The following UBE4B variants were observed in gnomAD, a reference collection of about 807,000 sequenced individuals.
The protein encoded by UBE4B is ubiquitination factor E4B, also known as ubiquitin conjugation factor E4 B.
UBE4B carries 27 observed loss-of-function variants against 148.1 expected under a neutral mutation model. That is an observed-to-expected ratio of 0.18 (90% CI 0.13 to 0.25). UBE4B has a LOEUF of 0.25. Ranked by LOEUF, UBE4B falls within the 10% of genes least tolerant of loss-of-function variation. UBE4B has a pLI of 1.00. For synonymous variants in UBE4B, 596 were observed against 619.3 expected, an observed-to-expected ratio of 0.96 and a Z score of 0.56; for missense variants, 1,170 against 1,662.4, an observed-to-expected ratio of 0.70 and a Z score of 5.15.
chr1:10,106,450 G>A lies in UBE4B; in HGVS notation c.1063G>A (p.Ala355Thr). ...TCTGTCGAGCTCCCCAAGTCCCCCT[G>A]CCCTCGCCAGTAGCCCCCAAGCAGT... ...SILSSSPSPP[A>T]LASSPQAVPA... The change falls in exon 7 of 28, where the codon GCC becomes ACC. Residue 355 changes from alanine (A) to threonine (T), a missense_variant. By Grantham distance (58) the Ala-to-Thr change is moderately conservative. This residue lies in a region of UBE4B where 214 missense variants were observed against 209.1 expected (regional missense o/e 1.02). Coordinates refer to ENST00000343090, the MANE Select transcript of UBE4B (RefSeq NM_001105562.3). This position sits in a 1 kb window ranked among gnomAD's most constrained non-coding sequence, Gnocchi z 4.2. 2 of 1,613,876 alleles carry A rather than the reference G, an allele frequency of 1.2e-6. No homozygotes were observed. The highest frequency in any genetic ancestry group is 1.7e-6 in the Non-Finnish European group (2 of 1,179,976).
In UBE4B at chr1:10,129,487, A is replaced by G. The variant is rs1645555703; in HGVS notation, c.1695+39A>G. On this transcript the variant is annotated intron_variant, in intron 12 of 27. Coordinates refer to ENST00000343090, the MANE Select transcript of UBE4B (RefSeq NM_001105562.3). ...TGATGGGCTTGCACATTTTCAGTGAATATATCATAACCCAGAAGGCATTCC... is the reference window on the plus strand; with the variant it reads ...TGATGGGCTTGCACATTTTCAGTGAGTATATCATAACCCAGAAGGCATTCC... 9 of 1,590,832 alleles carry G rather than the reference A, an allele frequency of 5.7e-6. No homozygotes were observed. The Admixed American group carries it at 1.0e-4, about 18-fold the overall frequency.
At chr1:10,081,611 G>A (rs1036844947) in intron 2 of UBE4B, among the ~76,000 whole-genome samples, 1 of 151,296 alleles carries the variant, frequency 6.6e-6, no homozygotes, top group East Asian at 1.9e-4. Flanking sequence ...TGTTTGAGTT[G>A]GAGTTTCGCT....
intron 7 of UBE4B, among the ~76,000 whole-genome samples, chr1:10,111,727 T>G (rs1232920214): frequency 1.3e-5 from 2 of 151,980 alleles, no homozygotes; most frequent in Non-Finnish European, 2.9e-5. Flanking sequence ...GAGGCCGAGG[T>G]GGGCGGATCA....
chr1:10,135,127 A>G lies in UBE4B; in HGVS notation c.2165A>G (p.Asn722Ser), dbSNP rs138056371. Residue 722 changes from asparagine (N) to serine (S), a missense_variant, in exon 16 of 28, where the codon AAT becomes AGT. Transcript: ENST00000343090. ...CCAAGATGTCGGATTACTCTTCCCA[A>G]TGATGAGACGCGTGTGAATGCAACG... ...FHPRCRITLPNDETRVNATME... is the reference protein window; with the variant it reads ...FHPRCRITLPSDETRVNATME... 2.2e-3 allele frequency: 3,485 copies of G among 1,614,032 alleles called. 121 individuals are homozygous for G. In the Admixed American group the frequency reaches 0.053, roughly 25 times the overall value.
rs558376342 is a variant in UBE4B, at chr1:10,125,353, C to T, written c.1555-1441C>T. ...AATGTTGGCATTCCCCAGCTCCACA[C>T]CTGAGTGTTACTTCTCCATTTTTAT... On this transcript the variant is annotated intron_variant, in intron 10 of 27. Transcript: ENST00000343090. Among the ~76,000 whole-genome samples the T allele has an allele frequency of 1.8e-4, 27 of 152,318 alleles. No homozygotes were observed. The South Asian group carries it at 2.7e-3, about 15-fold the overall frequency.
intron 1 of UBE4B, among the ~76,000 whole-genome samples, chr1:10,040,879 C>T (rs1643737678): frequency 1.3e-5 from 2 of 152,316 alleles, no homozygotes; most frequent in South Asian, 4.1e-4. Context: ...CTCAGCCTCC[C>T]AAAGTGCTGG....
chr1:10,156,875 G>C (rs1282378967), intron 21 of UBE4B, among the ~76,000 whole-genome samples: 1 of 152,000 alleles, frequency 6.6e-6, no homozygotes, highest in African/African-American at 2.4e-5. Flanking sequence ...GGAAAATACA[G>C]AAAATATCAA....
intron 18 of UBE4B, among the ~76,000 whole-genome samples, chr1:10,146,120 C>A (rs1367837698): frequency 6.6e-6 from 1 of 152,152 alleles, no homozygotes; most frequent in Non-Finnish European, 1.5e-5. Context: ...TGTGCACCCC[C>A]CTAAGCAGTC....
intron 1 of UBE4B, among the ~76,000 whole-genome samples, chr1:10,038,971 A>C (rs1643654422): frequency 6.6e-6 from 1 of 152,054 alleles, no homozygotes; most frequent in African/African-American, 2.4e-5. Context: ...GAAGTAGGAG[A>C]ATTGCTTAAA....
intron 7 of UBE4B, among the ~76,000 whole-genome samples, chr1:10,109,419 A>G (rs1645178789): frequency 6.6e-6 from 1 of 152,198 alleles, no homozygotes; most frequent in Non-Finnish European, 1.5e-5. Flanking sequence ...GGGAAGTGCC[A>G]GCATTTCACT....
chr1:10,056,666 A>G (rs923062585), intron 1 of UBE4B, among the ~76,000 whole-genome samples: 1 of 152,232 alleles, frequency 6.6e-6, no homozygotes, highest in Non-Finnish European at 1.5e-5. Flanking sequence ...ATCGAGGCTC[A>G]GAGAGATAAC....
chr1:10,035,904 C>T (rs1336167501), intron 1 of UBE4B, among the ~76,000 whole-genome samples: 5 of 145,814 alleles, frequency 3.4e-5, no homozygotes, highest in South Asian at 2.2e-4. Context: ...CCACCACGCC[C>T]GGCTAATTTT....
chr1:10,127,633 T>C (rs989381240), intron 11 of UBE4B, among the ~76,000 whole-genome samples: 7 of 152,264 alleles, frequency 4.6e-5, no homozygotes, highest in Admixed American at 4.6e-4. Flanking sequence ...TTAAGTCTTA[T>C]GTAAATTGAG....
intron 7 of UBE4B, among the ~76,000 whole-genome samples, chr1:10,111,481 C>T (rs1374378319): frequency 6.6e-6 from 1 of 152,144 alleles, no homozygotes; most frequent in Non-Finnish European, 1.5e-5. Context: ...ACCTCATTGT[C>T]TCAAACATTA....
intron 1 of UBE4B, among the ~76,000 whole-genome samples, chr1:10,061,439 T>G (rs888167480): frequency 6.6e-6 from 1 of 152,064 alleles, no homozygotes; most frequent in African/African-American, 2.4e-5. Flanking sequence ...TATTTTTTAT[T>G]AGAGACGGGG....
At chr1:10,110,424 G>A (rs891488547) in intron 7 of UBE4B, among the ~76,000 whole-genome samples, 7 of 152,278 alleles carry the variant, frequency 4.6e-5, no homozygotes, top group African/African-American at 1.7e-4. Context: ...GTTGGGTGGT[G>A]GGCTTAATGC....
intron 21 of UBE4B, among the ~76,000 whole-genome samples, chr1:10,155,584 A>G (rs949639046): frequency 2.6e-5 from 4 of 152,104 alleles, no homozygotes; most frequent in African/African-American, 9.7e-5. Flanking sequence ...AGTGCTCATC[A>G]CCTCCATGTG....
At chr1:10,061,317 T>C (rs538531833) in intron 1 of UBE4B, among the ~76,000 whole-genome samples, 1 of 152,168 alleles carries the variant, frequency 6.6e-6, no homozygotes, top group African/African-American at 2.4e-5. Context: ...GCAAGTGGCA[T>C]GATTTTGGCC....
At chr1:10,148,580 C>T (rs1204542317) in intron 19 of UBE4B, among the ~76,000 whole-genome samples, 10 of 147,472 alleles carry the variant, frequency 6.8e-5, no homozygotes, top group Non-Finnish European at 1.2e-4. Flanking sequence ...TGCAGTGAGC[C>T]GAGATCACGC....
Sources: allele counts gnomAD v4.1 joint callset (sites outside exome capture counted in the v4.1 genomes callset), GRCh38; gene constraint gnomAD v4.1.1; regional missense constraint gnomAD v4.1.1; non-coding constraint Gnocchi (gnomAD v3.1); transcripts MANE v1.5; gene names NCBI Gene and HGNC (gene_info 2026-07-23, HGNC 2026-07-21).